Variants in PPP1R9A observed in about 807,000 individuals in gnomAD.
PPP1R9A encodes the protein neurabin-1.
Under a neutral mutation model 141.9 loss-of-function variants are expected in PPP1R9A, and 59 were observed. The ratio of observed to expected loss-of-function variants is 0.42; its 90% confidence interval spans 0.34 to 0.52. The LOEUF (loss-of-function observed/expected upper bound fraction) is 0.52, where lower values mean the gene tolerates loss of function less well. Among genes scored for constraint, PPP1R9A ranks in the 20% least tolerant of loss-of-function variants. The probability of loss-of-function intolerance (pLI) is 0.10; values close to 1 mark genes in which losing one functional copy is unlikely to be tolerated. For synonymous variants in PPP1R9A, 500 were observed against 569.7 expected (o/e 0.88, Z 1.74); for missense variants, 1,444 against 1,611.9 (o/e 0.90, Z 1.78).
At chr7:95,041,367 T>C (rs548524495) in intron 2 of PPP1R9A, among the ~76,000 whole-genome samples, 15 of 152,292 alleles carry the variant, frequency 9.8e-5, no homozygotes, top group Non-Finnish European at 1.5e-4. Context: ...AAAAAAGATT[T>C]TAATCATGTT....
intron 2 of PPP1R9A, among the ~76,000 whole-genome samples, chr7:94,993,619 G>A (rs1184586322): frequency 1.3e-5 from 2 of 151,420 alleles, no homozygotes; most frequent in Admixed American, 1.3e-4. Flanking sequence ...TTTTTTGCTG[G>A]GTTTATTCCT....
At chr7:95,068,208 G>A (rs1376371642) in intron 2 of PPP1R9A, among the ~76,000 whole-genome samples, 3 of 152,112 alleles carry the variant, frequency 2.0e-5, no homozygotes, top group South Asian at 2.1e-4. Flanking sequence ...GGTGGCTCAC[G>A]CCTGTAATCC....
chr7:95,024,725 T>C lies in PPP1R9A; in HGVS notation c.1396-86534T>C, dbSNP rs200598753. 3.2e-4 allele frequency among the ~76,000 whole-genome samples: 49 copies of C among 152,326 alleles called. No homozygotes were observed. In the East Asian group the frequency reaches 7.3e-3, roughly 23 times the overall value. ...AGCACACCGATAGGTTTTGAGCCTT[T>C]ATCCAATTTGCCAGTCTGTGTCTTT... is the stretch of plus-strand genomic sequence containing the variant. On this transcript the variant is annotated intron_variant, in intron 2 of 19. Transcript: ENST00000433360.
At chr7:94,994,670 C>T (rs545682081) in intron 2 of PPP1R9A, among the ~76,000 whole-genome samples, 35 of 151,870 alleles carry the variant, frequency 2.3e-4, no homozygotes, top group Admixed American at 9.8e-4. Flanking sequence ...CTGAGGCAGA[C>T]GGATCACGAG....
intron 4 of PPP1R9A, among the ~76,000 whole-genome samples, chr7:95,148,688 CAAAAAAA>C (rs80065854): frequency 1.4e-5 from 1 of 69,750 alleles, no homozygotes; most frequent in Non-Finnish European, 3.9e-5. Flanking sequence ...TCTAAAAATA[CAAAAAAA>C]AAAAAAAAAA....
chr7:95,274,283 G>C lies in PPP1R9A; in HGVS notation c.3296+115G>C. 3 of 949,404 alleles carry C rather than the reference G, an allele frequency of 3.2e-6. No individual in the cohort carries two copies. The South Asian group carries it at 5.1e-5, about 16-fold the overall frequency. The allele number at this position is 949,404 out of a possible 1,614,324, so 58.8% of individuals were successfully genotyped here. ...TCTTTGAGCTAAAGTGATATGCCAA[G>C]AATTGAGATGGAAGAAAAATTGCAC... On this transcript the variant is annotated intron_variant, in intron 16 of 19. Coordinates refer to ENST00000433360, the MANE Select transcript of PPP1R9A (RefSeq NM_001166160.2).
chr7:95,058,155 A>C (rs746042825), intron 2 of PPP1R9A, among the ~76,000 whole-genome samples: 3 of 152,148 alleles, frequency 2.0e-5, no homozygotes, highest in Non-Finnish European at 4.4e-5. Context: ...GTTCCTTTGT[A>C]GATTGACCTC....
In PPP1R9A at chr7:95,203,730, G is replaced by T; in HGVS notation, c.1956G>T (p.Lys652Asn). ...ATAACAATAACAACTATTTTCTTAA[G>T]GTTTGTTTTTTGGTTTAAAGTAATG... The part of the protein sequence containing the change: ...NCNNNNNYFL[K>N]TGEYATDEEE... The change falls in exon 7 of 20, where the codon AAG (lysine) becomes AAT (asparagine). Residue 652 changes from lysine to asparagine, a missense_variant and splice_region_variant. Coordinates refer to ENST00000433360, the MANE Select transcript of PPP1R9A (RefSeq NM_001166160.2). The T allele has an allele frequency of 6.5e-7, 1 of 1,532,338 alleles. No individual in the cohort carries two copies. The highest frequency in any genetic ancestry group is 8.7e-7 in the Non-Finnish European group (1 of 1,143,860). The allele number at this position is 1,532,338 out of a possible 1,614,324, so 94.9% of individuals were successfully genotyped here.
chr7:95,267,363 A>G (rs548661251), intron 12 of PPP1R9A, among the ~76,000 whole-genome samples: 103 of 152,152 alleles, frequency 6.8e-4, no homozygotes, highest in Admixed American at 1.8e-3. Context: ...CTTGAACATG[A>G]CTTCAGCTAA....
At chr7:95,004,129 CCTG>C (rs1681761562) in intron 2 of PPP1R9A, among the ~76,000 whole-genome samples, 2 of 151,900 alleles carry the variant, frequency 1.3e-5, no homozygotes, top group African/African-American at 4.8e-5. Context: ...TTGAGCATCT[CCTG>C]CTTTTTTAGC....
chr7:95,080,150 C>G (rs1815569076), intron 2 of PPP1R9A, among the ~76,000 whole-genome samples: 1 of 152,172 alleles, frequency 6.6e-6, no homozygotes, highest in Admixed American at 6.5e-5. Flanking sequence ...GTCAAATTGT[C>G]CCTGTTTGCA....
At chr7:95,081,431 A>G (rs187528966) in intron 2 of PPP1R9A, among the ~76,000 whole-genome samples, 99 of 152,350 alleles carry the variant, frequency 6.5e-4, no homozygotes, top group Middle Eastern at 3.4e-3. Flanking sequence ...TATGGAAACT[A>G]TGAAAAAGGT....
intron 2 of PPP1R9A, among the ~76,000 whole-genome samples, chr7:95,044,913 A>G (rs904678291): frequency 6.6e-6 from 1 of 151,632 alleles, no homozygotes; most frequent in Non-Finnish European, 1.5e-5. Context: ...AGTTTTTGTT[A>G]GTGGAATAGG....
intron 2 of PPP1R9A, among the ~76,000 whole-genome samples, chr7:95,009,056 A>G (rs561687526): frequency 6.6e-6 from 1 of 152,170 alleles, no homozygotes; most frequent in South Asian, 2.1e-4. Context: ...CAAGGACAGA[A>G]AACCAAACAC....
intron 8 of PPP1R9A, among the ~76,000 whole-genome samples, chr7:95,240,532 T>C (rs1471991729): frequency 2.0e-5 from 3 of 152,042 alleles, no homozygotes; most frequent in Non-Finnish European, 2.9e-5. Flanking sequence ...TCAGTGATTT[T>C]ATTTTTTATA....
intron 5 of PPP1R9A, among the ~76,000 whole-genome samples, chr7:95,178,973 A>G (rs1005647308): frequency 1.1e-4 from 17 of 152,068 alleles, no homozygotes; most frequent in Admixed American, 9.8e-4. Flanking sequence ...TACCAATCCT[A>G]TTGACACAAT....
chr7:95,010,213 G>A (rs1804215042), intron 2 of PPP1R9A, among the ~76,000 whole-genome samples: 1 of 152,078 alleles, frequency 6.6e-6, no homozygotes, highest in South Asian at 2.1e-4. Context: ...GCAACACAGT[G>A]AGACACTGTC....
At position 95,006,506 on chromosome 7, in the gene PPP1R9A, C is replaced by T. The variant is rs137938496; in HGVS notation, c.1395+94998C>T. On this transcript the variant is annotated intron_variant, in intron 2 of 19. Coordinates refer to ENST00000433360, the MANE Select transcript of PPP1R9A (RefSeq NM_001166160.2). ...AATTACAGGCGTGAACCACCTTGCC[C>T]GGCCAAGAACATTTTTAATGCTTGT... Among the ~76,000 whole-genome samples, 30 of 152,018 alleles carry T rather than the reference C, an allele frequency of 2.0e-4. No homozygotes were observed. In the East Asian group the frequency reaches 4.3e-3, roughly 22 times the overall value.
At chr7:95,079,174 G>C (rs1467704732) in intron 2 of PPP1R9A, among the ~76,000 whole-genome samples, 1 of 152,124 alleles carries the variant, frequency 6.6e-6, no homozygotes, top group African/African-American at 2.4e-5. Flanking sequence ...TGTAAGGAAG[G>C]GATCCAGTTT....
Sources: gnomAD v4.1 joint callset for allele counts (sites outside exome capture counted in the v4.1 genomes callset) on GRCh38, gnomAD v4.1.1 for gene constraint, MANE v1.5 for transcripts, NCBI Gene and HGNC (gene_info 2026-07-23, HGNC 2026-07-21) for gene names.